Variants in DLG2 observed in about 807,000 individuals in gnomAD.
The protein encoded by DLG2 is discs large MAGUK scaffold protein 2, also known as disks large homolog 2.
In DLG2, 45 loss-of-function variants were observed where a neutral mutation model predicts 132.5. The ratio of observed to expected loss-of-function variants is 0.34; its 90% CI spans 0.27 to 0.44. The LOEUF (loss-of-function observed/expected upper bound fraction) is 0.44, where lower values mean the gene tolerates loss of function less well. DLG2 is among the 20% of genes least tolerant of loss of function. The pLI, the probability that DLG2 is intolerant of heterozygous loss-of-function variation, is 1.00. For synonymous variants in DLG2, 424 were observed against 419.6 expected (o/e 1.01, Z -0.13); for missense variants, 1,045 against 1,196.9 (o/e 0.87, Z 1.87).
chr11:85,523,489 C>T (rs2074483519), intron 3 of DLG2, among the ~76,000 whole-genome samples: 1 of 152,158 alleles, frequency 6.6e-6, no homozygotes, highest in Non-Finnish European at 1.5e-5. Flanking sequence ...AGGTACTCAA[C>T]ATCATTGAAC....
intron 16 of DLG2, among the ~76,000 whole-genome samples, chr11:83,845,386 T>C (rs948894017): frequency 6.6e-6 from 1 of 152,220 alleles, no homozygotes; most frequent in Admixed American, 6.5e-5. Flanking sequence ...AACCTTCTTA[T>C]ATCTAAATGA....
chr11:84,646,307 G>A (rs1295018643), intron 6 of DLG2, among the ~76,000 whole-genome samples: 3 of 147,536 alleles, frequency 2.0e-5, no homozygotes, highest in African/African-American at 2.6e-5. Flanking sequence ...GACCACCTCC[G>A]TGGCTGTAAA....
rs191434529 is a variant in DLG2 at position 85,382,099 on chromosome 11, G to A, written c.41-96734C>T. 2.0e-5 allele frequency among the ~76,000 whole-genome samples: 3 copies of A among 152,176 alleles called. No homozygotes were observed. In the East Asian group the frequency reaches 5.8e-4, roughly 29 times the overall value. Reference sequence around the variant, plus strand: ...AATCTTGAAAAAGATGAACAAAGTTGGAGAACTCACACTTCCCTATTTCAA... The same window carrying A: ...AATCTTGAAAAAGATGAACAAAGTTAGAGAACTCACACTTCCCTATTTCAA... On this transcript the variant is annotated intron_variant, in intron 3 of 27. Coordinates refer to ENST00000376104, the MANE Select transcript of DLG2 (RefSeq NM_001142699.3).
intron 3 of DLG2, among the ~76,000 whole-genome samples, chr11:85,335,022 G>A (rs1224697097): frequency 6.6e-6 from 1 of 152,062 alleles, no homozygotes; most frequent in Non-Finnish European, 1.5e-5. Flanking sequence ...ATGGGGTATT[G>A]AAGTCTCCCA....
At chr11:83,668,691 A>ATG (rs1185409572) in intron 18 of DLG2, among the ~76,000 whole-genome samples, 2 of 16,568 alleles carry the variant, frequency 1.2e-4, no homozygotes, top group South Asian at 4.2e-3. Context: ...GTGTATATAT[A>ATG]TGTGTATATA....
At chr11:84,025,151 G>A (rs2154081885) in intron 11 of DLG2, among the ~76,000 whole-genome samples, 1 of 152,266 alleles carries the variant, frequency 6.6e-6, no homozygotes, top group African/African-American at 2.4e-5. Context: ...GGGTCAGTTG[G>A]TGGTTGCAAT....
At chr11:84,540,983 T>C (rs938789880) in intron 6 of DLG2, among the ~76,000 whole-genome samples, 5 of 151,896 alleles carry the variant, frequency 3.3e-5, no homozygotes, top group South Asian at 2.1e-4. Context: ...TAGGTGGGAA[T>C]TGAACAATGA....
chr11:83,521,318 T>A (rs944911388), intron 21 of DLG2, among the ~76,000 whole-genome samples: 4 of 152,232 alleles, frequency 2.6e-5, no homozygotes, highest in Non-Finnish European at 4.4e-5. Flanking sequence ...GAAGTGGATT[T>A]ATCACAGCCA....
intron 3 of DLG2, among the ~76,000 whole-genome samples, chr11:85,479,103 T>A (rs2093222380): frequency 6.6e-6 from 1 of 152,240 alleles, no homozygotes; most frequent in African/African-American, 2.4e-5. Flanking sequence ...GACTGGAATT[T>A]ATACATTCAA....
chr11:84,977,558 C>T (rs2055078827), intron 6 of DLG2, among the ~76,000 whole-genome samples: 1 of 152,172 alleles, frequency 6.6e-6, no homozygotes, highest in Non-Finnish European at 1.5e-5. Flanking sequence ...TTCATTAACT[C>T]ATGTTCATCT....
At chr11:83,962,327 G>A (rs1056849784) in intron 14 of DLG2, among the ~76,000 whole-genome samples, 6 of 152,000 alleles carry the variant, frequency 3.9e-5, no homozygotes, top group African/African-American at 1.4e-4. Context: ...ACATGGAGAA[G>A]GTATGAAAGG....
intron 3 of DLG2, among the ~76,000 whole-genome samples, chr11:85,495,702 C>A (rs1344319024): frequency 1.3e-5 from 2 of 152,126 alleles, no homozygotes; most frequent in Admixed American, 6.5e-5. Flanking sequence ...ATTAGTTTAA[C>A]CATTGTGGAA....
intron 10 of DLG2, among the ~76,000 whole-genome samples, chr11:84,071,961 T>C (rs1566345877): frequency 1.3e-5 from 2 of 152,202 alleles, no homozygotes; most frequent in Admixed American, 6.5e-5. Flanking sequence ...GGGTGCTATA[T>C]ATGACTGAGC....
chr11:84,869,345 G>A (rs1185474219), intron 6 of DLG2, among the ~76,000 whole-genome samples: 6 of 152,168 alleles, frequency 3.9e-5, no homozygotes, highest in African/African-American at 1.4e-4. Context: ...CTAATGGATA[G>A]CTGGATTCAA....
chr11:84,970,873 G>C (rs2054006211), intron 6 of DLG2, among the ~76,000 whole-genome samples: 1 of 152,108 alleles, frequency 6.6e-6, no homozygotes, highest in Non-Finnish European at 1.5e-5. Flanking sequence ...AGCTTTATTA[G>C]AGGATAGAGA....
At chr11:84,407,801 T>A (rs1055771941) in intron 7 of DLG2, among the ~76,000 whole-genome samples, 5 of 152,236 alleles carry the variant, frequency 3.3e-5, no homozygotes, top group Non-Finnish European at 5.9e-5. Context: ...TGTGGTAGAA[T>A]GACATCTAGA....
At chr11:84,203,198 G>A (rs2096619302) in intron 8 of DLG2, among the ~76,000 whole-genome samples, 1 of 152,064 alleles carries the variant, frequency 6.6e-6, no homozygotes, top group Admixed American at 6.6e-5. Flanking sequence ...CAATAGCAAA[G>A]GCATGGAACC....
At chr11:83,682,525 C>T (rs1168586437) in intron 18 of DLG2, 3 of 850,224 alleles carry the variant, frequency 3.5e-6, no homozygotes, top group East Asian at 1.2e-4. Context: ...CCATCCTCTG[C>T]TCGTGTTCCC....
At chr11:84,752,673 G>A (rs1264991807) in intron 6 of DLG2, among the ~76,000 whole-genome samples, 3 of 141,576 alleles carry the variant, frequency 2.1e-5, no homozygotes, top group African/African-American at 7.9e-5. Flanking sequence ...ACCCACTAAC[G>A]CGTCATCTAG....
Sources: gnomAD v4.1 joint callset for allele counts (sites outside exome capture counted in the v4.1 genomes callset) on GRCh38, gnomAD v4.1.1 for gene constraint, MANE v1.5 for transcripts, NCBI Gene and HGNC (gene_info 2026-07-23, HGNC 2026-07-21) for gene names.